CSMD1: variants seen among roughly 807,000 people sequenced by gnomAD.
The protein encoded by CSMD1 is CUB and sushi domain-containing protein 1.
A neutral mutation model predicts 417.5 loss-of-function variants in CSMD1; 213 were observed. The observed-to-expected ratio is 0.51, with a 90% CI of 0.46 to 0.57. CSMD1 has a LOEUF of 0.57. CSMD1 is among the 20% of genes least tolerant of loss of function. The probability of loss-of-function intolerance (pLI) is 0.00; values close to 1 mark genes in which losing one functional copy is unlikely to be tolerated. For missense variants in CSMD1, 6,923 were observed against 4,529.7 expected (o/e 1.53, Z -15.17); for synonymous variants, 2,862 against 1,736.8 (o/e 1.65, Z -16.11).
chr8:3,574,921 CAG>C (rs1460932539), intron 10 of CSMD1, 22 bp downstream of exon 10: 1 of 1,610,062 alleles, frequency 6.2e-7, no homozygotes, highest in African/African-American at 1.3e-5. Context: ...GCATTAACCA[CAG>C]GGGTTGGAGG....
intron 1 of CSMD1, among the ~76,000 whole-genome samples, chr8:4,747,218 G>C (rs939616960): frequency 2.6e-5 from 4 of 152,172 alleles, no homozygotes; most frequent in Non-Finnish European, 5.9e-5. Context: ...TCTACCTTCA[G>C]TAATGAACAC....
intron 2 of CSMD1, among the ~76,000 whole-genome samples, chr8:4,470,482 C>T (rs1800463607): frequency 6.6e-6 from 1 of 152,194 alleles, no homozygotes; most frequent in Admixed American, 6.5e-5. Context: ...CAATGCTTAA[C>T]TGGAAGGATA....
Position 4,198,760 on chromosome 8 carries a change from T to C in CSMD1, c.416-166661A>G, listed in dbSNP as rs371376119. Among the ~76,000 whole-genome samples the C allele has an allele frequency of 2.2e-3, 339 of 152,308 alleles. 16 individuals carry two copies. In the South Asian group the frequency reaches 0.067, roughly 30 times the overall value. ...GTAATCTATACTTTCTATGTGAATTTTGAAATACTATTCTAAGAGTTCATC... is the reference window on the plus strand; with the variant it reads ...GTAATCTATACTTTCTATGTGAATTCTGAAATACTATTCTAAGAGTTCATC... On this transcript the variant is annotated intron_variant, in intron 3 of 69. Coordinates refer to ENST00000635120, the MANE Select transcript of CSMD1 (RefSeq NM_033225.6).
chr8:4,155,277 A>G (rs762592701), intron 3 of CSMD1, among the ~76,000 whole-genome samples: 1 of 152,138 alleles, frequency 6.6e-6, no homozygotes, highest in Non-Finnish European at 1.5e-5. Context: ...TCCGGGTGTG[A>G]ATTAGGGGGT....
At chr8:4,974,601 C>A (rs943478161) in intron 1 of CSMD1, among the ~76,000 whole-genome samples, 15 of 151,972 alleles carry the variant, frequency 9.9e-5, no homozygotes, top group African/African-American at 3.1e-4. Flanking sequence ...CAAACATCAA[C>A]ATATATATTT....
In CSMD1 at chr8:4,137,752, C is replaced by T. The variant is rs1803522051; in HGVS notation, c.416-105653G>A. ...CGATGTTGTATTTTATATAAAATTACACTTTCCTAAATTTCTCAAGGAAAA... is the reference window on the plus strand; with the variant it reads ...CGATGTTGTATTTTATATAAAATTATACTTTCCTAAATTTCTCAAGGAAAA... On this transcript the variant is annotated intron_variant, in intron 3 of 69. Coordinates refer to ENST00000635120, the MANE Select transcript of CSMD1 (RefSeq NM_033225.6). Among the ~76,000 whole-genome samples, 2 of 78,768 alleles carry T rather than the reference C, an allele frequency of 2.5e-5. 1 individual carries two copies. The highest frequency in any genetic ancestry group is 8.9e-4 in the South Asian group (2 of 2,258). The allele number at this position is 78,768 out of a possible 152,430, so 51.7% of individuals were successfully genotyped here. A position where few individuals can be genotyped will look rare whatever the true frequency, so the allele number is the denominator to read the frequency against.
chr8:3,818,058 G>C (rs1012257332), intron 5 of CSMD1, among the ~76,000 whole-genome samples: 2 of 152,110 alleles, frequency 1.3e-5, no homozygotes, highest in Non-Finnish European at 2.9e-5. Context: ...TATTCGGCTT[G>C]GAGCAGGCAT....
intron 1 of CSMD1, among the ~76,000 whole-genome samples, chr8:4,677,089 ATAT>A (rs1479448815): frequency 1.4e-5 from 2 of 147,040 alleles, no homozygotes; most frequent in East Asian, 2.0e-4. Context: ...ATAGGGATAT[ATAT>A]TATAATATCT....
At chr8:4,982,677 T>C (rs2117439896) in intron 1 of CSMD1, among the ~76,000 whole-genome samples, 1 of 152,362 alleles carries the variant, frequency 6.6e-6, no homozygotes, top group South Asian at 2.1e-4. Flanking sequence ...ATATGGACTC[T>C]TTTTAAAAGA....
intron 3 of CSMD1, among the ~76,000 whole-genome samples, chr8:4,360,038 T>C (rs1242603300): frequency 6.6e-6 from 1 of 152,204 alleles, no homozygotes; most frequent in Non-Finnish European, 1.5e-5. Flanking sequence ...TGTCCCCATC[T>C]GAGCATACAG....
At chr8:4,169,744 C>G (rs1622459) in intron 3 of CSMD1, among the ~76,000 whole-genome samples, 84,583 of 151,938 alleles carry the variant, frequency 0.56, 24,610 homozygotes, top group Non-Finnish European at 0.63. Context: ...GAGGTTCAAA[C>G]GCCCCCTTGA....
intron 23 of CSMD1, among the ~76,000 whole-genome samples, chr8:3,328,496 A>G (rs1372849923): frequency 6.6e-6 from 1 of 152,180 alleles, no homozygotes; most frequent in African/African-American, 2.4e-5. Context: ...AAATACTTCA[A>G]ATATTGTGTT....
At chr8:4,679,103 G>T (rs989426830) in intron 1 of CSMD1, among the ~76,000 whole-genome samples, 7 of 152,062 alleles carry the variant, frequency 4.6e-5, no homozygotes, top group African/African-American at 1.7e-4. Flanking sequence ...CTGGTCATCT[G>T]CGCAAGTTTC....
intron 1 of CSMD1, among the ~76,000 whole-genome samples, chr8:4,836,945 G>T (rs552728243): frequency 2.0e-5 from 3 of 152,128 alleles, no homozygotes; most frequent in African/African-American, 7.2e-5. Context: ...CTCCATGGCT[G>T]TTGAAAGGAA....
chr8:3,632,556 C>T (rs1796838522), intron 7 of CSMD1, among the ~76,000 whole-genome samples: 1 of 152,100 alleles, frequency 6.6e-6, no homozygotes, highest in African/African-American at 2.4e-5. Context: ...TGTCTGGCTT[C>T]TTTTTTAAAA....
intron 12 of CSMD1, among the ~76,000 whole-genome samples, chr8:3,467,593 C>A (rs75279863): frequency 3.3e-5 from 5 of 152,160 alleles, no homozygotes; most frequent in African/African-American, 1.2e-4. Flanking sequence ...CAACACACCC[C>A]GTGTGTCAGC....
intron 1 of CSMD1, among the ~76,000 whole-genome samples, chr8:4,753,180 A>T (rs1317665795): frequency 6.6e-6 from 1 of 152,136 alleles, no homozygotes; most frequent in African/African-American, 2.4e-5. Flanking sequence ...ACAGGAGGCA[A>T]TGGAGACAGG....
At chr8:4,912,312 A>G (rs1393486628) in intron 1 of CSMD1, among the ~76,000 whole-genome samples, 2 of 152,096 alleles carry the variant, frequency 1.3e-5, no homozygotes. Flanking sequence ...AACAGAATCT[A>G]ATAAAAGAAG....
intron 6 of CSMD1, among the ~76,000 whole-genome samples, chr8:3,722,712 T>C (rs1051171357): frequency 5.3e-5 from 8 of 152,190 alleles, no homozygotes; most frequent in Admixed American, 3.3e-4. Flanking sequence ...GGATTCTAGA[T>C]TACAAGCGAA....
Sources: allele counts gnomAD v4.1 joint callset (sites outside exome capture counted in the v4.1 genomes callset), GRCh38; gene constraint gnomAD v4.1.1; transcripts MANE v1.5; gene names NCBI Gene and HGNC (gene_info 2026-07-23, HGNC 2026-07-21).